The following ADAMTS15 variants were observed in gnomAD, a reference collection of about 807,000 sequenced individuals.
ADAMTS15 encodes ADAM metallopeptidase with thrombospondin type 1 motif 15.
ADAMTS15 carries 35 observed loss-of-function variants against 79.1 expected under a neutral mutation model. The observed-to-expected ratio is 0.44, with a 90% CI of 0.34 to 0.59. ADAMTS15 has a LOEUF of 0.59. Among genes scored for constraint, ADAMTS15 ranks in the 20% least tolerant of loss-of-function variants. ADAMTS15 has a pLI of 0.02. For missense variants in ADAMTS15, 1,324 were observed against 1,318.7 expected (o/e 1.00, Z -0.06); for synonymous variants, 616 against 567.3 (o/e 1.09, Z -1.22).
chr11:130,468,622 G>A (rs371445585), intron 4 of ADAMTS15, among the ~76,000 whole-genome samples: 12 of 151,870 alleles, frequency 7.9e-5, no homozygotes, highest in East Asian at 3.9e-4. Context: ...AAAATTAGCC[G>A]GGCGTGGTGG....
At position 130,448,994 on chromosome 11, in the gene ADAMTS15, A is replaced by T; in HGVS notation, c.21A>T (p.Leu7=). The T allele has an allele frequency of 6.6e-7, 1 of 1,508,286 alleles. No homozygotes were observed. The allele number at this position is 1,508,286 out of a possible 1,614,324, so 93.4% of individuals were successfully genotyped here. The part of the protein sequence containing the change: MLLLGI[L]TLAFAGRTAG... ...GCGCCATGCTTCTGCTGGGCATCCTAACCCTGGCTTTCGCCGGGCGAACCG... is the reference window on the plus strand; with the variant it reads ...GCGCCATGCTTCTGCTGGGCATCCTTACCCTGGCTTTCGCCGGGCGAACCG... Residue 7 remains leucine (L), a synonymous_variant, in exon 1 of 8, where the codon CTA becomes CTT. Transcript: ENST00000299164.
At chr11:130,453,603 T>G (rs1352401383) in intron 1 of ADAMTS15, among the ~76,000 whole-genome samples, 1 of 151,972 alleles carries the variant, frequency 6.6e-6, no homozygotes, top group Admixed American at 6.6e-5. Flanking sequence ...AGCTAATTTA[T>G]TTTTGTAGAG....
intron 1 of ADAMTS15, among the ~76,000 whole-genome samples, chr11:130,456,916 GTA>G (rs1182892432): frequency 6.6e-6 from 1 of 152,180 alleles, no homozygotes; most frequent in Non-Finnish European, 1.5e-5. Context: ...ATGAGAATGC[GTA>G]TGTCTTCTGC....
chr11:130,454,629 T>C (rs1236670484), intron 1 of ADAMTS15, among the ~76,000 whole-genome samples: 2 of 152,154 alleles, frequency 1.3e-5, no homozygotes, highest in African/African-American at 2.4e-5. Context: ...TTTAATAATT[T>C]GTTATTCTTG....
rs1938478079 is a variant in ADAMTS15 at position 130,472,456 on chromosome 11, G to C, written c.2079-591G>C. Among the ~76,000 whole-genome samples the C allele has an allele frequency of 6.6e-6, 1 of 152,194 alleles. No individual in the cohort carries two copies. Reference sequence around the variant, plus strand: ...TTAAGTGGCAGATGTTCCTTTTACAGCCTGTTGGAGCTGGAAGGAGCCTTA... The same window carrying C: ...TTAAGTGGCAGATGTTCCTTTTACACCCTGTTGGAGCTGGAAGGAGCCTTA... On this transcript the variant is annotated intron_variant, in intron 7 of 7. Transcript: ENST00000299164. This position sits in a 1 kb window ranked among gnomAD's most constrained non-coding sequence, Gnocchi z 4.7.
chr11:130,470,736 C>T (rs1206276799), intron 5 of ADAMTS15, among the ~76,000 whole-genome samples, 184 bp from the exon 6 acceptor site: 1 of 152,112 alleles, frequency 6.6e-6, no homozygotes, highest in East Asian at 1.9e-4. Flanking sequence ...GATGTGTTTT[C>T]ATCTGCGCCC....
intron 4 of ADAMTS15, among the ~76,000 whole-genome samples, chr11:130,464,960 C>T (rs942589191): frequency 2.7e-5 from 4 of 146,380 alleles, no homozygotes; most frequent in African/African-American, 1.0e-4. Flanking sequence ...GAGTGAGATC[C>T]CATCTCAAGG....
rs966166269 is a variant in ADAMTS15 at position 130,461,746 on chromosome 11, G to A, written c.1090+125G>A. 1.0e-4 allele frequency: 145 copies of A among 1,386,626 alleles called. 1 individual carries two copies. In the South Asian group the frequency reaches 1.7e-3, roughly 17 times the overall value. The allele number at this position is 1,386,626 out of a possible 1,614,324, so 85.9% of individuals were successfully genotyped here. ...AGGACCCCTTCTTAGGGCACAGTGA[G>A]CCTTAGCAGCAGCTTTGTACTTTTT... On this transcript the variant is annotated intron_variant, in intron 2 of 7. Coordinates refer to ENST00000299164, the MANE Select transcript of ADAMTS15 (RefSeq NM_139055.4).
intron 1 of ADAMTS15, chr11:130,450,166 G>C: frequency 3.0e-6 from 3 of 985,488 alleles, no homozygotes; most frequent in Non-Finnish European, 3.6e-6. Flanking sequence ...GAAGGTGTTG[G>C]CCTGGCGCGG....
At chr11:130,454,132 G>T (rs1938025346) in intron 1 of ADAMTS15, among the ~76,000 whole-genome samples, 1 of 152,048 alleles carries the variant, frequency 6.6e-6, no homozygotes, top group Non-Finnish European at 1.5e-5. Context: ...TTGTTTGTTT[G>T]TTTTTTTCCT....
rs1321191042 is a variant in ADAMTS15, at chr11:130,466,021, C to G, written c.1542+3241C>G. On this transcript the variant is annotated intron_variant, in intron 4 of 7. Transcript: ENST00000299164. ...CCCAGTAGCTGGGATTACAGGCGCC[C>G]GCCACCACACCTGGCTAATTTTTGT... 3.3e-5 allele frequency among the ~76,000 whole-genome samples: 5 copies of G among 152,120 alleles called. No individual in the cohort carries two copies. The East Asian group carries it at 9.7e-4, about 30-fold the overall frequency.
intron 5 of ADAMTS15, among the ~76,000 whole-genome samples, chr11:130,470,152 GTGTA>G (rs1417879044): frequency 3.3e-4 from 24 of 73,742 alleles, no homozygotes; most frequent in African/African-American, 1.0e-3. Context: ...ATATATATAT[GTGTA>G]TATATATATA....
chr11:130,449,305 C>A lies in ADAMTS15; in HGVS notation c.332C>A (p.Pro111Gln). The A allele has an allele frequency of 6.2e-7, 1 of 1,610,894 alleles. No homozygotes were observed. Residue 111 changes from proline (P) to glutamine (Q), a missense_variant, in exon 1 of 8, where the codon CCG becomes CAG. Transcript: ENST00000299164. The surrounding 1 kb of genome is among the most constrained non-coding windows in gnomAD (Gnocchi z 7.8). ...TATTCTGGGGACGTGAACGCCGAGC[C>A]GGACTCGTTCGCTGCTGTGAGCCTG... is the stretch of plus-strand genomic sequence containing the variant. ...CFYSGDVNAE[P>Q]DSFAAVSLCG... is the part of the protein sequence containing the mutation.
rs1937890861 is a variant in ADAMTS15, at chr11:130,449,006, C to T, written c.33C>T (p.Phe11=). ...TGCTGGGCATCCTAACCCTGGCTTTCGCCGGGCGAACCGCTGGAGGCTCTG... is the reference window on the plus strand; with the variant it reads ...TGCTGGGCATCCTAACCCTGGCTTTTGCCGGGCGAACCGCTGGAGGCTCTG... MLLLGILTLA[F]AGRTAGGSEP... The change falls in exon 1 of 8, where the codon TTC becomes TTT. Residue 11 remains phenylalanine (F), a synonymous_variant. Transcript: ENST00000299164. The surrounding 1 kb of genome is among the most constrained non-coding windows in gnomAD (Gnocchi z 7.8). The T allele has an allele frequency of 3.3e-6, 5 of 1,509,974 alleles. No homozygotes were observed. The highest frequency in any genetic ancestry group is 4.4e-6 in the Non-Finnish European group (5 of 1,129,558). The allele number at this position is 1,509,974 out of a possible 1,614,324, so 93.5% of individuals were successfully genotyped here.
rs1592150488 is a variant in ADAMTS15, at chr11:130,470,166, A to ATATGTG, written c.1720+730_1720+731insGTGTAT. ...TATATATATATGTGTATATATATAT[A>ATATGTG]TATATATATATATATGTGTGTATAT... On this transcript the variant is annotated intron_variant, in intron 5 of 7. Coordinates refer to ENST00000299164, the MANE Select transcript of ADAMTS15 (RefSeq NM_139055.4). Among the ~76,000 whole-genome samples the ATATGTG allele has an allele frequency of 1.4e-4, 8 of 57,580 alleles. No individual in the cohort carries two copies. The East Asian group carries it at 2.4e-3, about 18-fold the overall frequency. 37.8% of individuals were successfully genotyped at this position (57,580 alleles called of 152,430 possible). A position where few individuals can be genotyped will look rare whatever the true frequency, so the allele number is the denominator to read the frequency against.
Position 130,449,338 on chromosome 11 carries a change from G to A in ADAMTS15, c.365G>A (p.Gly122Glu), listed in dbSNP as rs1355990013. Residue 122 changes from glycine to glutamate, a missense_variant, in exon 1 of 8, where the codon GGG (glycine) becomes GAG (glutamate). By Grantham distance (98) the Gly-to-Glu change is moderately conservative (BLOSUM62 -2). Transcript: ENST00000299164. This position sits in a 1 kb window ranked among gnomAD's most constrained non-coding sequence, Gnocchi z 7.8. ...DSFAAVSLCGGLRGAFGYRGA... is the reference protein window; with the variant it reads ...DSFAAVSLCGELRGAFGYRGA... ...TTCGCTGCTGTGAGCCTGTGCGGGGGGCTCCGCGGAGCCTTTGGCTACCGA... is the reference window on the plus strand; with the variant it reads ...TTCGCTGCTGTGAGCCTGTGCGGGGAGCTCCGCGGAGCCTTTGGCTACCGA... 6.2e-7 allele frequency: 1 copy of A among 1,608,686 alleles called. No individual in the cohort carries two copies.
intron 4 of ADAMTS15, among the ~76,000 whole-genome samples, chr11:130,468,570 C>G (rs945619610): frequency 6.6e-6 from 1 of 151,644 alleles, no homozygotes; most frequent in African/African-American, 2.4e-5. Context: ...TCGAGACCTT[C>G]CTGGCTAACA....
Position 130,470,135 on chromosome 11 carries a change from T to C in ADAMTS15, c.1720+696T>C, listed in dbSNP as rs547385544. 5.1e-3 allele frequency among the ~76,000 whole-genome samples: 318 copies of C among 62,382 alleles called. 13 individuals are homozygous for C. In the Middle Eastern group the frequency reaches 0.052, roughly 10 times the overall value. 40.9% of individuals were successfully genotyped at this position (62,382 alleles called of 152,430 possible). ...TTACTGAATCATATATATATATACA[T>C]ATATATATATATATATGTGTATATA... On this transcript the variant is annotated intron_variant, in intron 5 of 7. Coordinates refer to ENST00000299164, the MANE Select transcript of ADAMTS15 (RefSeq NM_139055.4).
chr11:130,460,278 T>C (rs1426617903), intron 1 of ADAMTS15, among the ~76,000 whole-genome samples: 2 of 45,330 alleles, frequency 4.4e-5, no homozygotes, highest in Admixed American at 1.5e-4. Flanking sequence ...ACATCTTCTG[T>C]TTTTTTTTTT....
Sources: gnomAD v4.1 joint callset for allele counts (sites outside exome capture counted in the v4.1 genomes callset) on GRCh38, gnomAD v4.1.1 for gene constraint, Gnocchi (gnomAD v3.1) non-coding constraint, MANE v1.5 for transcripts, NCBI Gene and HGNC (gene_info 2026-07-23, HGNC 2026-07-21) for gene names.